Variants in CFAP184 observed in about 807,000 individuals in gnomAD.
CFAP184 encodes the protein cilia- and flagella-associated protein 184.
chr4:7,041,408 A>T, the CFAP184 span: 1 of 1,614,104 alleles, frequency 6.2e-7, no homozygotes, highest in African/African-American at 1.3e-5. Flanking sequence ...TTTTCTTCCA[A>T]GTCCCGAAGA....
the CFAP184 span, chr4:7,041,369 G>T: frequency 4.3e-6 from 7 of 1,614,114 alleles, no homozygotes; most frequent in Admixed American, 1.2e-4. Context: ...GATTCCAGGC[G>T]CCGGTGAAGC....
the CFAP184 span, chr4:7,042,149 C>T: frequency 6.2e-7 from 1 of 1,602,484 alleles, no homozygotes; most frequent in East Asian, 2.2e-5. Flanking sequence ...TCAGCGGCCT[C>T]CAGGCCCTTC....
At chr4:7,042,592 C>G in the CFAP184 span, 1 of 1,538,856 alleles carries the variant, frequency 6.5e-7, no homozygotes, top group South Asian at 1.2e-5. Context: ...TTCCTCGGGC[C>G]CGGCTCCGGG....
the CFAP184 span, chr4:7,042,003 C>A: frequency 6.2e-7 from 1 of 1,612,464 alleles, no homozygotes; most frequent in South Asian, 1.1e-5. Context: ...ACTGCCGCTT[C>A]AACTGGCCCA....
chr4:7,042,080 G>A, the CFAP184 span: 1 of 1,610,288 alleles, frequency 6.2e-7, no homozygotes. Flanking sequence ...ATGCCCAGAT[G>A]GCGCAGGTAC....
the CFAP184 span, chr4:7,042,720 T>C: frequency 1.3e-5 from 19 of 1,518,252 alleles, no homozygotes; most frequent in East Asian, 4.3e-4. Flanking sequence ...CGGCTGCCGT[T>C]AGCCCTTTCG....
the CFAP184 span, chr4:7,042,647 C>A: frequency 6.7e-7 from 1 of 1,491,392 alleles, no homozygotes; most frequent in Non-Finnish European, 8.9e-7. Flanking sequence ...GCCGGCTCTT[C>A]GGGCTCGGGC....
chr4:7,041,313 C>G, the CFAP184 span: 3 of 1,611,500 alleles, frequency 1.9e-6, no homozygotes, highest in Non-Finnish European at 2.5e-6. Flanking sequence ...TCTTCTGCCT[C>G]ACGCCTCTGC....
the CFAP184 span, chr4:7,042,130 T>C: frequency 5.6e-6 from 9 of 1,606,302 alleles, no homozygotes; most frequent in Non-Finnish European, 7.6e-6. Context: ...TGCGCCCCGG[T>C]CAGCCACCTC....
chr4:7,042,885 C>T, the CFAP184 span: 1 of 1,556,778 alleles, frequency 6.4e-7, no homozygotes, highest in Non-Finnish European at 8.7e-7. Context: ...CCAGGCTTTC[C>T]CCGTCTCCGC....
At chr4:7,042,574 G>T in the CFAP184 span, 1 of 1,557,436 alleles carries the variant, frequency 6.4e-7, no homozygotes, top group Non-Finnish European at 8.7e-7. Flanking sequence ...CCCCGCCTCC[G>T]CCTCTAGTTC....
At chr4:7,042,524 T>A in the CFAP184 span, 1 of 1,602,714 alleles carries the variant, frequency 6.2e-7, no homozygotes, top group Non-Finnish European at 8.5e-7. Context: ...GCCTGGAACC[T>A]GACTTCCTTC....
the CFAP184 span, chr4:7,041,065 G>A: frequency 1.2e-5 from 7 of 586,116 alleles, no homozygotes; most frequent in Admixed American, 3.7e-5. Flanking sequence ...TGCTTTTCTG[G>A]ACCTATTTTT....
At chr4:7,042,941 C>T in the CFAP184 span, 14 of 1,421,066 alleles carry the variant, frequency 9.9e-6, no homozygotes, top group East Asian at 3.8e-4. Context: ...ACGTCCATCT[C>T]CTCCCGGCTC....
chr4:7,042,700 C>G, the CFAP184 span: 30 of 1,511,610 alleles, frequency 2.0e-5, no homozygotes, highest in African/African-American at 3.8e-4. Flanking sequence ...CCCCTCCTCG[C>G]CCGCAGCCTC....
chr4:7,042,440 C>T, the CFAP184 span: 3 of 1,611,752 alleles, frequency 1.9e-6, no homozygotes, highest in Non-Finnish European at 2.5e-6. Flanking sequence ...TCTTCCTCCC[C>T]CTCCACCCGC....
the CFAP184 span, chr4:7,042,001 T>C: frequency 6.2e-7 from 1 of 1,612,464 alleles, no homozygotes; most frequent in Non-Finnish European, 8.5e-7. Context: ...GCACTGCCGC[T>C]TCAACTGGCC....
chr4:7,042,974 A>C, the CFAP184 span: 2 of 1,400,044 alleles, frequency 1.4e-6, no homozygotes, highest in Non-Finnish European at 1.9e-6. Context: ...GGACCCCGGC[A>C]GGACGCTGTT....
At chr4:7,041,574 C>T in the CFAP184 span, 1 of 1,614,264 alleles carries the variant, frequency 6.2e-7, no homozygotes, top group Non-Finnish European at 8.5e-7. Context: ...ACGCGTTCTC[C>T]ATGTCCATGA....
Sources: allele counts gnomAD v4.1 joint callset, GRCh38; gene constraint gnomAD v4.1.1; transcripts MANE v1.5; gene names NCBI Gene and HGNC (gene_info 2026-07-23, HGNC 2026-07-21).